Variants in SYTL3 observed in about 807,000 individuals in gnomAD.
The protein encoded by SYTL3 is synaptotagmin like 3.
SYTL3 carries 88 observed loss-of-function variants against 82.1 expected under a neutral mutation model. The ratio of observed to expected loss-of-function variants is 1.07; its 90% CI spans 0.90 to 1.28. The LOEUF (loss-of-function observed/expected upper bound fraction) is 1.28. Ranked by LOEUF, SYTL3 falls within the 50% of genes most tolerant of loss-of-function variation. SYTL3 has a pLI of 0.00. For synonymous variants in SYTL3, 311 were observed against 289.4 expected (o/e 1.07, Z -0.76); for missense variants, 831 against 757.6 (o/e 1.10, Z -1.14).
intron 11 of SYTL3, 21 bp downstream of exon 11, chr6:158,725,658 CTTTTTT>C: frequency 6.3e-7 from 1 of 1,599,116 alleles, no homozygotes; most frequent in Non-Finnish European, 8.5e-7. Context: ...TTCCAATGCT[CTTTTTT>C]TGTTTTTTTG....
At chr6:158,653,462 C>T (rs1474750891) in intron 2 of SYTL3, among the ~76,000 whole-genome samples, 4 of 151,676 alleles carry the variant, frequency 2.6e-5, no homozygotes, top group East Asian at 1.9e-4. Context: ...GCCAAGATCG[C>T]GCCATTGCAT....
intron 6 of SYTL3, among the ~76,000 whole-genome samples, chr6:158,685,783 A>C (rs902116278): frequency 1.3e-5 from 2 of 152,136 alleles, no homozygotes; most frequent in Non-Finnish European, 2.9e-5. Context: ...ATGCCATGGC[A>C]CTCCAGCCTG....
chr6:158,750,081 G>A (rs77837995), intron 12 of SYTL3, among the ~76,000 whole-genome samples: 93 of 152,228 alleles, frequency 6.1e-4, no homozygotes, highest in African/African-American at 2.2e-3. Flanking sequence ...ATGAATGAGC[G>A]GCAGTTACAG....
upstream of SYTL3, among the ~76,000 whole-genome samples, chr6:158,646,338 T>C (rs971626445): frequency 1.3e-5 from 2 of 152,244 alleles, no homozygotes; most frequent in Admixed American, 1.3e-4. Flanking sequence ...CCTATTTTTT[T>C]AATATGTCTT....
upstream of SYTL3, among the ~76,000 whole-genome samples, chr6:158,645,175 G>A (rs1583082604): frequency 6.6e-6 from 1 of 152,168 alleles, no homozygotes; most frequent in Admixed American, 6.5e-5. Context: ...CTTGGGGACT[G>A]GGATTGGCAT....
chr6:158,725,702 T>C (rs543553450), intron 11 of SYTL3, 65 bp downstream of exon 11: 1 of 1,567,302 alleles, frequency 6.4e-7, no homozygotes, highest in South Asian at 1.2e-5. Context: ...AAGCATAATG[T>C]ACAAGTCCTT....
At chr6:158,666,045 G>A (rs1790012368) in intron 5 of SYTL3, among the ~76,000 whole-genome samples, 1 of 152,048 alleles carries the variant, frequency 6.6e-6, no homozygotes, top group Non-Finnish European at 1.5e-5. Context: ...TGGGAGCTGT[G>A]ATTGTACCAC....
upstream of SYTL3, among the ~76,000 whole-genome samples, chr6:158,648,387 C>T (rs1214512716): frequency 4.0e-5 from 6 of 151,892 alleles, no homozygotes; most frequent in Non-Finnish European, 8.8e-5. Flanking sequence ...GTCAGGAGAT[C>T]GAGACCATCC....
chr6:158,708,207 TA>T (rs1361984191), intron 7 of SYTL3, 114 bp from the exon 8 acceptor site: 115 of 982,378 alleles, frequency 1.2e-4, no homozygotes, highest in Non-Finnish European at 1.4e-4. Flanking sequence ...TGAGGCAGTT[TA>T]AAAAAAAGGC....
upstream of SYTL3, among the ~76,000 whole-genome samples, chr6:158,649,058 C>T (rs1787708829): frequency 6.6e-6 from 1 of 152,234 alleles, no homozygotes; most frequent in African/African-American, 2.4e-5. Flanking sequence ...CCTGGGACCT[C>T]ATCCCCAAGA....
chr6:158,671,924 G>A (rs1777427735), intron 5 of SYTL3, among the ~76,000 whole-genome samples: 2 of 152,032 alleles, frequency 1.3e-5, no homozygotes, highest in South Asian at 4.1e-4. Flanking sequence ...TGATTCAAGT[G>A]CTCATTGCTA....
chr6:158,760,763 C>T lies in SYTL3; in HGVS notation c.1414+18C>T, dbSNP rs373400793. 6 of 1,583,582 alleles carry T rather than the reference C, an allele frequency of 3.8e-6. No individual in the cohort carries two copies. The highest frequency in any genetic ancestry group is 5.2e-6 in the Non-Finnish European group (6 of 1,152,202). On this transcript the variant is annotated intron_variant, in intron 15 of 17. Transcript: ENST00000611299. Reference sequence around the variant, plus strand: ...TCAAGAAGGTCAGTGGCCTCCAGCTCCCTGGACATTGTCTGTGTCATTGTC... The same window carrying T: ...TCAAGAAGGTCAGTGGCCTCCAGCTTCCTGGACATTGTCTGTGTCATTGTC...
intron 4 of SYTL3, 26 bp from the exon 5 acceptor site, chr6:158,665,369 A>G (rs1562349707): frequency 5.1e-6 from 8 of 1,555,724 alleles, no homozygotes; most frequent in East Asian, 2.4e-5. Context: ...ATCTAATACT[A>G]TCTTCTTTAA....
At chr6:158,758,610 GT>G (rs1291771727) in intron 14 of SYTL3, among the ~76,000 whole-genome samples, 3 of 152,122 alleles carry the variant, frequency 2.0e-5, no homozygotes, top group Non-Finnish European at 4.4e-5. Context: ...AGCTTCTCAG[GT>G]TTCAGCTGAG....
intron 6 of SYTL3, among the ~76,000 whole-genome samples, chr6:158,699,955 G>GAAC (rs1780990092): frequency 1.2e-5 from 1 of 83,344 alleles, no homozygotes; most frequent in African/African-American, 5.7e-5. Flanking sequence ...TCAAAAAAAA[G>GAAC]AATAATAAAA....
chr6:158,761,822 C>T (rs1790014475), intron 15 of SYTL3, among the ~76,000 whole-genome samples: 1 of 152,202 alleles, frequency 6.6e-6, no homozygotes, highest in South Asian at 2.1e-4. Context: ...CCTTGCGTTC[C>T]TCTTTACTCT....
intron 9 of SYTL3, among the ~76,000 whole-genome samples, chr6:158,715,633 C>T: frequency 2.4e-5 from 1 of 42,332 alleles, no homozygotes. Context: ...ACCCAGCACC[C>T]CCCATACCCC....
intron 5 of SYTL3, among the ~76,000 whole-genome samples, chr6:158,669,447 T>G (rs1264694851): frequency 6.6e-6 from 1 of 152,222 alleles, no homozygotes; most frequent in Non-Finnish European, 1.5e-5. Flanking sequence ...TTGCTGCCAG[T>G]CAGGTGCTTT....
At chr6:158,756,556 A>C (rs1381847864) in intron 13 of SYTL3, among the ~76,000 whole-genome samples, 1 of 151,834 alleles carries the variant, frequency 6.6e-6, no homozygotes, top group African/African-American at 2.4e-5. Flanking sequence ...CTAAAAATAC[A>C]AAAAAACAAG....
Sources: allele counts gnomAD v4.1 joint callset (sites outside exome capture counted in the v4.1 genomes callset), GRCh38; gene constraint gnomAD v4.1.1; transcripts MANE v1.5; gene names NCBI Gene and HGNC (gene_info 2026-07-23, HGNC 2026-07-21).